The following CDK20 variants were observed in gnomAD, a reference collection of about 807,000 sequenced individuals.
The protein encoded by CDK20 is cyclin dependent kinase 20, also known as cyclin-dependent kinase 20.
A neutral mutation model predicts 38.6 loss-of-function variants in CDK20; 40 were observed. That is an observed-to-expected ratio of 1.04 (90% CI 0.81 to 1.35). The LOEUF is 1.35. CDK20 is among the 40% of genes most tolerant of loss of function. CDK20 has a pLI of 0.00. For missense variants in CDK20, 512 were observed against 452.6 expected (o/e 1.13, Z -1.19); for synonymous variants, 209 against 185.7 (o/e 1.13, Z -1.02).
In CDK20 at chr9:87,970,765, GCCCT is replaced by G. The variant is rs1375029568; in HGVS notation, c.500+7_500+10del. ...CATGGAGAAGACTGGAAGGGATCTG[GCCCT>G]CCCTACCTGGTGGCCACCTGGTGTG... On this transcript the variant is annotated splice_region_variant and intron_variant, in intron 4 of 7. Coordinates refer to ENST00000325303, the MANE Select transcript of CDK20 (RefSeq NM_001039803.3). The G allele has an allele frequency of 6.2e-7, 1 of 1,614,078 alleles. No individual in the cohort carries two copies. Among genetic ancestry groups the G allele is most frequent in the East Asian group, 2.2e-5 (1 of 44,864 alleles).
At chr9:87,972,371 G>A (rs1587626777) in intron 2 of CDK20, among the ~76,000 whole-genome samples, 1 of 152,148 alleles carries the variant, frequency 6.6e-6, no homozygotes, top group African/African-American at 2.4e-5. Flanking sequence ...AGGCCCTAAC[G>A]CCAGCACAGA....
At chr9:87,972,874 G>A (rs1587628049) in intron 2 of CDK20, among the ~76,000 whole-genome samples, 2 of 152,268 alleles carry the variant, frequency 1.3e-5, no homozygotes, top group South Asian at 4.1e-4. Flanking sequence ...CCTGATTGCT[G>A]TTTTCGGATT....
chr9:87,974,115 G>A, intron 1 of CDK20, 80 bp from the exon 2 acceptor site: 6 of 1,601,964 alleles, frequency 3.7e-6, no homozygotes, highest in Non-Finnish European at 5.1e-6. Flanking sequence ...GAAGGTGGTT[G>A]AGAGAGAGAC....
intron 4 of CDK20, 52 bp from the exon 5 acceptor site, chr9:87,970,682 A>C (rs1289864585): frequency 6.2e-7 from 1 of 1,612,460 alleles, no homozygotes. Flanking sequence ...ATGCCTGGGG[A>C]GGTGACCCCA....
At chr9:87,969,509 T>C (rs1829699442) in intron 6 of CDK20, 160 bp from the exon 7 acceptor site, 1 of 833,582 alleles carries the variant, frequency 1.2e-6, no homozygotes, top group Non-Finnish European at 1.9e-6. Flanking sequence ...CCCACCCCTG[T>C]ATTCCTTCAT....
chr9:87,968,141 G>A (rs555592), intron 7 of CDK20: 77,559 of 153,062 alleles, frequency 0.51, 20,185 homozygotes, highest in Non-Finnish European at 0.57. Context: ...AGCAGGCAGC[G>A]TCATGAGGTG....
Position 87,970,756 on chromosome 9 carries a change from A to G in CDK20, c.500+20T>C, listed in dbSNP as rs1365941404. 2 of 1,613,942 alleles carry G rather than the reference A, an allele frequency of 1.2e-6. No individual in the cohort carries two copies. The highest frequency in any genetic ancestry group is 2.7e-5 in the African/African-American group (2 of 74,920). On this transcript the variant is annotated intron_variant, in intron 4 of 7. Transcript: ENST00000325303. The stretch of plus-strand genomic sequence containing the variant: ...TCTCTTCCCCATGGAGAAGACTGGA[A>G]GGGATCTGGCCCTCCCTACCTGGTG...
rs1230291173 is a variant in CDK20, at chr9:87,967,083, T to A, written c.*379A>T. On this transcript the variant is annotated 3_prime_UTR_variant, in exon 8 of 8. Coordinates refer to ENST00000325303, the MANE Select transcript of CDK20 (RefSeq NM_001039803.3). ...CTTGAGTTTCCAACATAAGGACACC[T>A]TACTCTCTGCACTTCTCCTTGACCA... The A allele has an allele frequency of 5.5e-6, 3 of 544,910 alleles. No homozygotes were observed. The East Asian group carries it at 1.5e-4, about 27-fold the overall frequency. 33.8% of individuals were successfully genotyped at this position (544,910 alleles called of 1,614,324 possible). A position where few individuals can be genotyped will look rare whatever the true frequency, so the allele number is the denominator to read the frequency against.
chr9:87,974,498 A>G lies in CDK20; in HGVS notation c.-52T>C. The stretch of plus-strand genomic sequence containing the variant: ...CTGTGCCCCTGAACTTCCAAACTCC[A>G]CTTCTCCTCCACCCCACGCTGATCT... On this transcript the variant is annotated 5_prime_UTR_variant, in exon 1 of 8. Coordinates refer to ENST00000325303, the MANE Select transcript of CDK20 (RefSeq NM_001039803.3). 6.6e-7 allele frequency: 1 copy of G among 1,519,408 alleles called. No homozygotes were observed. Among genetic ancestry groups the G allele is most frequent in the Non-Finnish European group, 9.0e-7 (1 of 1,113,308 alleles). The allele number at this position is 1,519,408 out of a possible 1,614,324, so 94.1% of individuals were successfully genotyped here. A position where few individuals can be genotyped will look rare whatever the true frequency, so the allele number is the denominator to read the frequency against.
In CDK20 at chr9:87,969,838, A is replaced by G; in HGVS notation, c.645T>C (p.Tyr215=). The G allele has an allele frequency of 6.2e-7, 1 of 1,613,430 alleles. No individual in the cohort carries two copies. The highest frequency in any genetic ancestry group is 8.5e-7 in the Non-Finnish European group (1 of 1,179,672). Residue 215 remains tyrosine, a synonymous_variant, in exon 6 of 8, where the codon TAT becomes TAC. Coordinates refer to ENST00000325303, the MANE Select transcript of CDK20 (RefSeq NM_001039803.3). ...TTGGGGTGCCCAAGATGCGAAGCAC[A>G]TAGCAAAGCTGTTCAATATCGTTCT... ...PGKNDIEQLC[Y]VLRILGTPNP...
At position 87,967,137 on chromosome 9, in the gene CDK20, A is replaced by G. The variant is rs1385721764; in HGVS notation, c.*325T>C. The stretch of plus-strand genomic sequence containing the variant: ...GGCAGCACTCGGGGAAGCAGCACCA[A>G]GGCAGGCATCGTCATTCTGCATATG... On this transcript the variant is annotated 3_prime_UTR_variant, in exon 8 of 8. Transcript: ENST00000325303. 5.0e-6 allele frequency: 3 copies of G among 601,922 alleles called. No homozygotes were observed. Among genetic ancestry groups the G allele is most frequent in the East Asian group, 3.9e-5 (1 of 25,538 alleles). 37.3% of individuals were successfully genotyped at this position (601,922 alleles called of 1,614,324 possible).
intron 1 of CDK20, 49 bp from the exon 2 acceptor site, chr9:87,974,084 AGAGATGAAGGTGGGT>A (rs1830058431): frequency 1.2e-6 from 2 of 1,612,234 alleles, no homozygotes; most frequent in African/African-American, 2.7e-5. Flanking sequence ...GCTGGGAAAG[AGAGATGAAGGTGGGT>A]GAGGGGAAGG....
chr9:87,967,877 G>A, intron 7 of CDK20: 3 of 512,506 alleles, frequency 5.9e-6, no homozygotes, highest in Non-Finnish European at 1.0e-5. Flanking sequence ...GAGGGTGGGG[G>A]GTAATAAACA....
At chr9:87,970,506 C>T (rs1829768180) in intron 5 of CDK20, 62 bp downstream of exon 5, 3 of 1,466,730 alleles carry the variant, frequency 2.0e-6, no homozygotes, top group Admixed American at 1.8e-5. Flanking sequence ...AGCTCAGAGA[C>T]CTCAGAGCCT....
At chr9:87,968,844 A>T (rs1353715454) in intron 7 of CDK20, 2 of 270,462 alleles carry the variant, frequency 7.4e-6, no homozygotes, top group Non-Finnish European at 1.4e-5. Flanking sequence ...ATACTTGCTA[A>T]TGGAATAAAG....
chr9:87,969,867 C>A lies in CDK20; in HGVS notation c.616G>T (p.Gly206Cys), dbSNP rs755513549. ...CAAAGCTGTTCAATATCGTTCTTGCCCGGGAAAAGGGGGGACCCATTCAAC... is the reference window on the plus strand; with the variant it reads ...CAAAGCTGTTCAATATCGTTCTTGCACGGGAAAAGGGGGGACCCATTCAAC... ...ELLNGSPLFPGKNDIEQLCYV... is the reference protein window; with the variant it reads ...ELLNGSPLFPCKNDIEQLCYV... Residue 206 changes from glycine to cysteine, a missense_variant, in exon 6 of 8, where the codon GGC (glycine) becomes TGC (cysteine). Coordinates refer to ENST00000325303, the MANE Select transcript of CDK20 (RefSeq NM_001039803.3). The A allele has an allele frequency of 6.2e-7, 1 of 1,608,212 alleles. No homozygotes were observed. Among genetic ancestry groups the A allele is most frequent in the Admixed American group, 1.7e-5 (1 of 59,360 alleles).
chr9:87,968,968 G>A (rs561238326), intron 7 of CDK20: 2 of 556,250 alleles, frequency 3.6e-6, no homozygotes, highest in East Asian at 3.0e-5. Context: ...CCTCGTATGG[G>A]CCACCCTCAG....
chr9:87,969,475 C>T lies in CDK20; in HGVS notation c.688-126G>A, dbSNP rs1048335995. On this transcript the variant is annotated intron_variant, in intron 6 of 7. Transcript: ENST00000325303. Reference sequence around the variant, plus strand: ...GGGTGCTCTCCCATCCATGTGTCTCCCTGACCCATCATTCATTCACTCACC... The same window carrying T: ...GGGTGCTCTCCCATCCATGTGTCTCTCTGACCCATCATTCATTCACTCACC... 25 of 1,045,486 alleles carry T rather than the reference C, an allele frequency of 2.4e-5. No individual in the cohort carries two copies. The African/African-American group carries it at 3.6e-4, about 15-fold the overall frequency. The allele number at this position is 1,045,486 out of a possible 1,614,324, so 64.8% of individuals were successfully genotyped here.
Position 87,967,375 on chromosome 9 carries a change from C to CT in CDK20, c.*86dup. The CT allele has an allele frequency of 7.2e-7, 1 of 1,396,352 alleles. No homozygotes were observed. Among genetic ancestry groups the CT allele is most frequent in the Non-Finnish European group, 9.9e-7 (1 of 1,006,296 alleles). 86.5% of individuals were successfully genotyped at this position (1,396,352 alleles called of 1,614,324 possible). A position where few individuals can be genotyped will look rare whatever the true frequency, so the allele number is the denominator to read the frequency against. On this transcript the variant is annotated 3_prime_UTR_variant, in exon 8 of 8. Transcript: ENST00000325303. The stretch of plus-strand genomic sequence containing the variant: ...GGGCCCACTGTGGCCATGGGGAGGC[C>CT]TTGGAGGGTGAAGCCAGGCAGGTGG...
Sources: allele counts gnomAD v4.1 joint callset (sites outside exome capture counted in the v4.1 genomes callset), GRCh38; gene constraint gnomAD v4.1.1; transcripts MANE v1.5; gene names NCBI Gene and HGNC (gene_info 2026-07-23, HGNC 2026-07-21).